The following ANKS3 variants were observed in gnomAD, a reference collection of about 807,000 sequenced individuals.
The protein encoded by ANKS3 is ankyrin repeat and sterile alpha motif domain containing 3.
Under a neutral mutation model 80.7 loss-of-function variants are expected in ANKS3, and 62 were observed. The observed-to-expected ratio is 0.77, with a 90% CI of 0.63 to 0.95. The LOEUF (loss-of-function observed/expected upper bound fraction) is 0.95, where lower values mean the gene tolerates loss of function less well. Among genes scored for constraint, ANKS3 ranks in the 40% least tolerant of loss-of-function variants. The pLI, the probability that ANKS3 is intolerant of heterozygous loss-of-function variation, is 0.00. For synonymous variants in ANKS3, 489 were observed against 355.3 expected (o/e 1.38, Z -4.23); for missense variants, 1,150 against 883.6 (o/e 1.30, Z -3.82).
chr16:4,726,852 A>G (rs892803523), intron 4 of ANKS3, 72 bp from the exon 5 acceptor site: 70 of 1,597,304 alleles, frequency 4.4e-5, no homozygotes, highest in Middle Eastern at 1.7e-4. Flanking sequence ...CCAGGCGGCC[A>G]TGCTGCAAGA....
chr16:4,696,723 G>A lies in ANKS3; in HGVS notation c.*185C>T, dbSNP rs972143049. The stretch of plus-strand genomic sequence containing the variant: ...CCTCGTCCCGCCTCAGTGCTGGCCC[G>A]AGCTGCCGAGCCAGGGCCGCAGCCC... On this transcript the variant is annotated 3_prime_UTR_variant, in exon 18 of 18. Transcript: ENST00000304283. The A allele has an allele frequency of 4.4e-5, 21 of 480,538 alleles. No homozygotes were observed. The East Asian group carries it at 5.4e-4, about 12-fold the overall frequency. The allele number at this position is 480,538 out of a possible 1,614,324, so 29.8% of individuals were successfully genotyped here. A position where few individuals can be genotyped will look rare whatever the true frequency, so the allele number is the denominator to read the frequency against.
At chr16:4,723,610 C>A (rs1349364012) in intron 6 of ANKS3, among the ~76,000 whole-genome samples, 1 of 152,236 alleles carries the variant, frequency 6.6e-6, no homozygotes, top group Non-Finnish European at 1.5e-5. Context: ...TCAGGGTTCA[C>A]CCCTGCCGCA....
chr16:4,714,254 G>C, intron 6 of ANKS3, 68 bp from the exon 7 acceptor site: 1 of 1,587,202 alleles, frequency 6.3e-7, no homozygotes. Flanking sequence ...TGGGCTGCTG[G>C]CTGGGAAGAC....
At chr16:4,709,683 C>G (rs1477150276) in intron 7 of ANKS3, among the ~76,000 whole-genome samples, 1 of 152,104 alleles carries the variant, frequency 6.6e-6, no homozygotes, top group Non-Finnish European at 1.5e-5. Context: ...CTGGAAGAGA[C>G]TATGTTCAGT....
At chr16:4,730,254 T>C (rs1191629645) in intron 2 of ANKS3, 103 bp from the exon 3 acceptor site, 9 of 1,180,268 alleles carry the variant, frequency 7.6e-6, no homozygotes, top group African/African-American at 1.6e-5. Context: ...AGCAGACTGA[T>C]AACCCAGTGC....
chr16:4,708,639 G>A (rs534427455), intron 7 of ANKS3, among the ~76,000 whole-genome samples: 10 of 152,060 alleles, frequency 6.6e-5, no homozygotes, highest in African/African-American at 2.2e-4. Context: ...TTTAACTTAA[G>A]AAAAAAAGGA....
intron 8 of ANKS3, 39 bp from the exon 9 acceptor site, chr16:4,702,281 A>C (rs764313230): frequency 2.1e-6 from 3 of 1,441,878 alleles, no homozygotes; most frequent in African/African-American, 3.0e-5. Flanking sequence ...AGGGAACTCC[A>C]AAGTGAAACC....
At chr16:4,726,569 A>G (rs2081363521) in intron 5 of ANKS3, 90 bp downstream of exon 5, 2 of 1,454,708 alleles carry the variant, frequency 1.4e-6, no homozygotes, top group Admixed American at 1.8e-5. Context: ...GGGTGGCCCT[A>G]AACTCTGGTT....
intron 11 of ANKS3, chr16:4,699,906 T>C (rs2079805480): frequency 6.6e-6 from 1 of 152,368 alleles, no homozygotes. Context: ...TTTATTGCTT[T>C]TAATGGACAA....
At chr16:4,701,209 A>C in intron 10 of ANKS3, 75 bp from the exon 11 acceptor site, 4 of 1,598,594 alleles carry the variant, frequency 2.5e-6, no homozygotes, top group Non-Finnish European at 3.4e-6. Context: ...CACCCGCCAC[A>C]CAGGGGCTTG....
At chr16:4,704,539 C>T (rs538260265) in intron 8 of ANKS3, among the ~76,000 whole-genome samples, 2 of 152,308 alleles carry the variant, frequency 1.3e-5, no homozygotes, top group South Asian at 4.1e-4. Context: ...ACGCTCAACA[C>T]CCTGGGGCTG....
chr16:4,715,637 T>C (rs567971841), intron 6 of ANKS3, among the ~76,000 whole-genome samples: 2 of 152,208 alleles, frequency 1.3e-5, no homozygotes, highest in African/African-American at 2.4e-5. Context: ...TACATATACA[T>C]TACAACTCCG....
intron 6 of ANKS3, among the ~76,000 whole-genome samples, chr16:4,714,585 C>T (rs1005517147): frequency 6.6e-6 from 1 of 152,220 alleles, no homozygotes; most frequent in Non-Finnish European, 1.5e-5. Flanking sequence ...AAGCAGAATT[C>T]GTAACTTTGA....
chr16:4,718,105 G>C (rs376671980), intron 6 of ANKS3, among the ~76,000 whole-genome samples: 1 of 137,786 alleles, frequency 7.3e-6, no homozygotes, highest in African/African-American at 2.7e-5. Flanking sequence ...TTTTAATTTA[G>C]AGACAAGGTC....
Position 4,696,893 on chromosome 16 carries a change from G to A in ANKS3, c.*15C>T, listed in dbSNP as rs2079580017. 3 of 885,124 alleles carry A rather than the reference G, an allele frequency of 3.4e-6. No homozygotes were observed. The highest frequency in any genetic ancestry group is 5.3e-6 in the Non-Finnish European group (3 of 563,426). 54.8% of individuals were successfully genotyped at this position (885,124 alleles called of 1,614,324 possible). On this transcript the variant is annotated 3_prime_UTR_variant, in exon 18 of 18. Transcript: ENST00000304283. ...AGGGTGGACCAATCACCCAACGTCAGATTCTGAAAGAAAAAGCCCCGGTGA... is the reference window on the plus strand; with the variant it reads ...AGGGTGGACCAATCACCCAACGTCAAATTCTGAAAGAAAAAGCCCCGGTGA...
At position 4,696,852 on chromosome 16, in the gene ANKS3, C is replaced by T. The variant is rs2079578159; in HGVS notation, c.*56G>A. On this transcript the variant is annotated 3_prime_UTR_variant, in exon 18 of 18. Transcript: ENST00000304283. ...TACCTGCTCACTGTCCTCCTCACTC[C>T]CTGGCACACAGCTTCAGGGTGGACC... 1.2e-5 allele frequency: 8 copies of T among 687,038 alleles called. No homozygotes were observed. The highest frequency in any genetic ancestry group is 2.5e-6 in the Non-Finnish European group (1 of 398,904). 42.6% of individuals were successfully genotyped at this position (687,038 alleles called of 1,614,324 possible).
rs554109392 is a variant in ANKS3 at position 4,696,860 on chromosome 16, A to G, written c.*48T>C. 3 of 705,706 alleles carry G rather than the reference A, an allele frequency of 4.3e-6. No homozygotes were observed. In the African/African-American group the frequency reaches 5.3e-5, roughly 12 times the overall value. 43.7% of individuals were successfully genotyped at this position (705,706 alleles called of 1,614,324 possible). A position where few individuals can be genotyped will look rare whatever the true frequency, so the allele number is the denominator to read the frequency against. Reference sequence around the variant, plus strand: ...CACTGTCCTCCTCACTCCCTGGCACACAGCTTCAGGGTGGACCAATCACCC... The same window carrying G: ...CACTGTCCTCCTCACTCCCTGGCACGCAGCTTCAGGGTGGACCAATCACCC... On this transcript the variant is annotated 3_prime_UTR_variant, in exon 18 of 18. Coordinates refer to ENST00000304283, the MANE Select transcript of ANKS3 (RefSeq NM_133450.4).
chr16:4,734,090 G>C lies in ANKS3; in HGVS notation c.-223C>G, dbSNP rs1009708671. 2 of 940,314 alleles carry C rather than the reference G, an allele frequency of 2.1e-6. No individual in the cohort carries two copies. Among genetic ancestry groups the C allele is most frequent in the Non-Finnish European group, 2.5e-6 (2 of 788,804 alleles). 58.2% of individuals were successfully genotyped at this position (940,314 alleles called of 1,614,324 possible). A position where few individuals can be genotyped will look rare whatever the true frequency, so the allele number is the denominator to read the frequency against. On this transcript the variant is annotated 5_prime_UTR_variant, in exon 1 of 18. Coordinates refer to ENST00000304283, the MANE Select transcript of ANKS3 (RefSeq NM_133450.4). Reference sequence around the variant, plus strand: ...CGAGCAAGTGCAGCGCGGGACGCCCGAGCGCCGGGTCTAGGCGGGCTGCAG... The same window carrying C: ...CGAGCAAGTGCAGCGCGGGACGCCCCAGCGCCGGGTCTAGGCGGGCTGCAG...
In ANKS3 at chr16:4,698,897, C is replaced by G; in HGVS notation, c.1454G>C (p.Trp485Ser). Residue 485 changes from tryptophan to serine, a missense_variant, in exon 13 of 18, where the codon TGG becomes TCG. Trp to Ser is a radical substitution (Grantham distance 177). Coordinates refer to ENST00000304283, the MANE Select transcript of ANKS3 (RefSeq NM_133450.4). The stretch of plus-strand genomic sequence containing the variant: ...CCCGGGTGGGCGGGCACTGCTGTGC[C>G]AGCGGGCAATGGCGGACGTCATCTT... ...KRKMTSAIAR[W>S]HSSARPPGDA... 1.9e-6 allele frequency: 3 copies of G among 1,600,110 alleles called. No homozygotes were observed. The highest frequency in any genetic ancestry group is 2.6e-6 in the Non-Finnish European group (3 of 1,172,092).
Sources: gnomAD v4.1 joint callset for allele counts (sites outside exome capture counted in the v4.1 genomes callset) on GRCh38, gnomAD v4.1.1 for gene constraint, MANE v1.5 for transcripts, NCBI Gene and HGNC (gene_info 2026-07-23, HGNC 2026-07-21) for gene names.